CNTN4: variants seen among roughly 807,000 people sequenced by gnomAD.
CNTN4 encodes the protein contactin-4.
A neutral mutation model predicts 122.5 loss-of-function variants in CNTN4; 77 were observed. That is an observed-to-expected ratio of 0.63 (90% CI 0.52 to 0.76). CNTN4 has a LOEUF of 0.76. Among genes scored for constraint, CNTN4 ranks in the 30% least tolerant of loss-of-function variants. CNTN4 has a pLI of 0.00. For missense variants in CNTN4, 1,256 were observed against 1,259.1 expected (o/e 1.00, Z 0.04); for synonymous variants, 512 against 447.0 (o/e 1.15, Z -1.83).
intron 4 of CNTN4, among the ~76,000 whole-genome samples, chr3:2,715,928 A>T (rs2087468845): frequency 6.6e-6 from 1 of 152,184 alleles, no homozygotes; most frequent in African/African-American, 2.4e-5. Flanking sequence ...AGTTCACAGC[A>T]GTTCACAGCC....
intron 10 of CNTN4, among the ~76,000 whole-genome samples, chr3:2,890,467 A>G (rs1223910700): frequency 1.3e-5 from 2 of 152,206 alleles, no homozygotes; most frequent in Non-Finnish European, 1.5e-5. Flanking sequence ...ATTATAAACC[A>G]TGGGTTTGAG....
intron 4 of CNTN4, among the ~76,000 whole-genome samples, chr3:2,726,763 C>T (rs1260324209): frequency 6.6e-6 from 1 of 152,174 alleles, no homozygotes; most frequent in Non-Finnish European, 1.5e-5. Flanking sequence ...GATCCATGTC[C>T]TAATACATTT....
chr3:2,945,268 A>G (rs2094664027), intron 13 of CNTN4, among the ~76,000 whole-genome samples: 2 of 152,172 alleles, frequency 1.3e-5, no homozygotes, highest in Admixed American at 6.5e-5. Context: ...ATGTTAGCCA[A>G]TTAGTCTTCA....
rs568953454 is a variant in CNTN4 at position 2,373,221 on chromosome 3, C to A, written c.-89+33988C>A. The stretch of plus-strand genomic sequence containing the variant: ...GTGATGACTGTTGTTCTTTAGTTAA[C>A]CTCAGAAAATCTGTGAGGTAGGCCC... On this transcript the variant is annotated intron_variant, in intron 3 of 24. Transcript: ENST00000418658. Among the ~76,000 whole-genome samples the A allele has an allele frequency of 2.5e-4, 38 of 152,298 alleles. No homozygotes were observed. The East Asian group carries it at 6.2e-3, about 25-fold the overall frequency.
At chr3:2,122,741 T>C (rs1369691447) in intron 2 of CNTN4, among the ~76,000 whole-genome samples, 1 of 152,208 alleles carries the variant, frequency 6.6e-6, no homozygotes, top group East Asian at 1.9e-4. Flanking sequence ...TGTCATAATG[T>C]TTGAGTTGAT....
In CNTN4 at chr3:2,885,054, C is replaced by T. The variant is rs73112790; in HGVS notation, c.755+1807C>T. On this transcript the variant is annotated intron_variant, in intron 9 of 24. Coordinates refer to ENST00000418658, the MANE Select transcript of CNTN4 (RefSeq NM_175607.3). ...GCATTTTGAGTTAGTGTCTGTCTAACGAACTTAAATTCTTCTAAAACAAAT... is the reference window on the plus strand; with the variant it reads ...GCATTTTGAGTTAGTGTCTGTCTAATGAACTTAAATTCTTCTAAAACAAAT... 1.4e-3 allele frequency among the ~76,000 whole-genome samples: 214 copies of T among 152,272 alleles called. 1 individual carries two copies. The highest frequency in any genetic ancestry group is 5.0e-3 in the African/African-American group (206 of 41,552).
At chr3:2,946,704 C>CTTTTTTTTTTTTTTTTTTT in intron 13 of CNTN4, among the ~76,000 whole-genome samples, 2 of 119,388 alleles carry the variant, frequency 1.7e-5, no homozygotes, top group Non-Finnish European at 3.4e-5. Flanking sequence ...TTTTTTTTTT[C>CTTTTTTTTTTTTTTTTTTT]TTTTTTTTTT....
chr3:2,386,152 C>T (rs1423007606), intron 3 of CNTN4, among the ~76,000 whole-genome samples: 1 of 152,054 alleles, frequency 6.6e-6, no homozygotes, highest in Non-Finnish European at 1.5e-5. Context: ...ATCTCATTGC[C>T]TTACATGGTT....
At chr3:2,581,930 G>A (rs954935118) in intron 4 of CNTN4, among the ~76,000 whole-genome samples, 14 of 152,158 alleles carry the variant, frequency 9.2e-5, no homozygotes. Flanking sequence ...TTTATGGACT[G>A]TCCAGAATAG....
chr3:2,447,088 C>T (rs960777431), intron 3 of CNTN4, among the ~76,000 whole-genome samples: 7 of 152,092 alleles, frequency 4.6e-5, no homozygotes, highest in African/African-American at 1.7e-4. Context: ...TATCATTATT[C>T]CTCTACTAAC....
chr3:2,176,426 T>G (rs1054875559), intron 2 of CNTN4, among the ~76,000 whole-genome samples: 29 of 152,146 alleles, frequency 1.9e-4, no homozygotes, highest in African/African-American at 6.5e-4. Flanking sequence ...AGTAGAAATA[T>G]GTATATATTA....
chr3:2,724,100 A>G, intron 4 of CNTN4, among the ~76,000 whole-genome samples: 1 of 152,206 alleles, frequency 6.6e-6, no homozygotes, highest in East Asian at 1.9e-4. Flanking sequence ...CTTTTGAGGA[A>G]GGGAGAGTCA....
At position 2,752,213 on chromosome 3, in the gene CNTN4, G is replaced by A. The variant is rs74882599; in HGVS notation, c.358+6516G>A. Among the ~76,000 whole-genome samples, 877 of 152,276 alleles carry A rather than the reference G, an allele frequency of 5.8e-3. 6 individuals carry two copies. Among genetic ancestry groups the A allele is most frequent in the Admixed American group, 0.011 (172 of 15,292 alleles). On this transcript the variant is annotated intron_variant, in intron 6 of 24. Transcript: ENST00000418658. Reference sequence around the variant, plus strand: ...TGCATGTATTTATGGGTTACAGTGTGATACTTCAATACCTGTATGCAATGT... The same window carrying A: ...TGCATGTATTTATGGGTTACAGTGTAATACTTCAATACCTGTATGCAATGT...
chr3:2,331,447 A>G (rs1295982021), intron 2 of CNTN4, among the ~76,000 whole-genome samples: 1 of 152,156 alleles, frequency 6.6e-6, no homozygotes, highest in East Asian at 1.9e-4. Flanking sequence ...CCATGAGATG[A>G]CAGTAACAAA....
intron 4 of CNTN4, among the ~76,000 whole-genome samples, chr3:2,635,652 A>G (rs1349227867): frequency 2.0e-5 from 3 of 152,148 alleles, no homozygotes; most frequent in Admixed American, 2.0e-4. Context: ...CTCATTGCCT[A>G]TTGTGGCTTT....
intron 6 of CNTN4, among the ~76,000 whole-genome samples, chr3:2,778,590 G>A (rs964511101): frequency 6.6e-6 from 1 of 152,080 alleles, no homozygotes; most frequent in Non-Finnish European, 1.5e-5. Context: ...ACTACATTCA[G>A]TAAGTGCTGT....
At chr3:2,712,421 A>G (rs993512847) in intron 4 of CNTN4, among the ~76,000 whole-genome samples, 1 of 152,200 alleles carries the variant, frequency 6.6e-6, no homozygotes, top group African/African-American at 2.4e-5. Context: ...AGAAAAGGTA[A>G]CATCTTTTTC....
chr3:2,460,889 G>C (rs1361987300), intron 3 of CNTN4, among the ~76,000 whole-genome samples: 1 of 83,412 alleles, frequency 1.2e-5, no homozygotes, highest in East Asian at 4.9e-4. Context: ...GTAGCTGAAA[G>C]AGTGAGAGTT....
intron 2 of CNTN4, among the ~76,000 whole-genome samples, chr3:2,230,507 G>A (rs2149540074): frequency 6.6e-6 from 1 of 152,186 alleles, no homozygotes; most frequent in African/African-American, 2.4e-5. Flanking sequence ...CCACATAATG[G>A]GATTGCACCA....
Sources: allele counts gnomAD v4.1 joint callset (sites outside exome capture counted in the v4.1 genomes callset), GRCh38; gene constraint gnomAD v4.1.1; transcripts MANE v1.5; gene names NCBI Gene and HGNC (gene_info 2026-07-23, HGNC 2026-07-21).